Variants in ZCCHC2 observed in about 807,000 individuals in gnomAD.
The protein encoded by ZCCHC2 is zinc finger CCHC-type containing 2.
A neutral mutation model predicts 103.6 loss-of-function variants in ZCCHC2; 39 were observed. The observed-to-expected ratio is 0.38, with a 90% CI of 0.29 to 0.49. The LOEUF (loss-of-function observed/expected upper bound fraction) is 0.49. Ranked by LOEUF, ZCCHC2 falls within the 20% of genes least tolerant of loss-of-function variation. The pLI, the probability that ZCCHC2 is intolerant of heterozygous loss-of-function variation, is 0.96. For missense variants in ZCCHC2, 1,483 were observed against 1,491.0 expected, an observed-to-expected ratio of 0.99 and a Z score of 0.09; for synonymous variants, 687 against 608.9, an observed-to-expected ratio of 1.13 and a Z score of -1.89.
intron 4 of ZCCHC2, among the ~76,000 whole-genome samples, chr18:62,547,187 A>C (rs534165836): frequency 6.6e-6 from 1 of 152,090 alleles, no homozygotes; most frequent in East Asian, 1.9e-4. Context: ...TTAGCCAGGC[A>C]TGGTGGCGGG....
chr18:62,580,284 T>C (rs1917008358), downstream of ZCCHC2, among the ~76,000 whole-genome samples: 1 of 152,158 alleles, frequency 6.6e-6, no homozygotes, highest in Non-Finnish European at 1.5e-5. Flanking sequence ...GTGGTTTTAA[T>C]TTTTTTTCTG....
downstream of ZCCHC2, among the ~76,000 whole-genome samples, chr18:62,580,358 C>T (rs576202567): frequency 5.3e-4 from 81 of 152,342 alleles, no homozygotes; most frequent in African/African-American, 1.5e-3. Flanking sequence ...TCCTCTAGGG[C>T]GGCAAGCTGG....
intron 11 of ZCCHC2, among the ~76,000 whole-genome samples, chr18:62,566,447 T>A (rs1357956714): frequency 6.6e-6 from 1 of 152,222 alleles, no homozygotes; most frequent in Non-Finnish European, 1.5e-5. Context: ...AAGACAGAAG[T>A]CTGTCGGTGG....
In ZCCHC2 at chr18:62,558,724, A is replaced by G; in HGVS notation, c.1446A>G (p.Leu482=). The change falls in exon 7 of 14, where the codon TTA becomes TTG. Residue 482 remains leucine (L), a synonymous_variant. Transcript: ENST00000269499. Reference sequence around the variant, plus strand: ...CCTCTCTGAAGACTTCTAAGATATTAGAACACTTAAAAGAAGACAGCTCTG... The same window carrying G: ...CCTCTCTGAAGACTTCTAAGATATTGGAACACTTAAAAGAAGACAGCTCTG... ...LQSSLKTSKI[L]EHLKEDSSEA... The G allele has an allele frequency of 6.5e-7, 1 of 1,549,942 alleles. No homozygotes were observed. The highest frequency in any genetic ancestry group is 1.7e-4 in the Middle Eastern group (1 of 5,950).
chr18:62,569,353 A>G (rs1189866697), intron 11 of ZCCHC2, among the ~76,000 whole-genome samples: 4 of 152,156 alleles, frequency 2.6e-5, no homozygotes, highest in African/African-American at 9.7e-5. Flanking sequence ...TGATTCACTA[A>G]TCTATAGTTC....
At chr18:62,559,806 T>C (rs1018131318) in intron 7 of ZCCHC2, among the ~76,000 whole-genome samples, 4 of 152,262 alleles carry the variant, frequency 2.6e-5, no homozygotes, top group Non-Finnish European at 5.9e-5. Flanking sequence ...CAATTGGCTC[T>C]CCATCTCTGC....
In ZCCHC2 at chr18:62,523,600, C is replaced by T. The variant is rs915021992; in HGVS notation, c.176C>T (p.Pro59Leu). Reference sequence around the variant, plus strand: ...GCGGGCCCGTCGCGGGGCCCTCTGCCGCCGCCGCCGCCGCCCCGGGGACTC... The same window carrying T: ...GCGGGCCCGTCGCGGGGCCCTCTGCTGCCGCCGCCGCCGCCCCGGGGACTC... ...PPAGPSRGPLPPPPPPRGLGP... is the reference protein window; with the variant it reads ...PPAGPSRGPLLPPPPPRGLGP... Residue 59 changes from proline (P) to leucine (L), a missense_variant, in exon 1 of 14, where the codon CCG becomes CTG. Transcript: ENST00000269499. 3.1e-6 allele frequency: 3 copies of T among 975,514 alleles called. No homozygotes were observed. In the East Asian group the frequency reaches 1.9e-4, roughly 60 times the overall value. 60.4% of individuals were successfully genotyped at this position (975,514 alleles called of 1,614,324 possible). A position where few individuals can be genotyped will look rare whatever the true frequency, so the allele number is the denominator to read the frequency against.
At position 62,523,473 on chromosome 18, in the gene ZCCHC2, C is replaced by T. The variant is rs769612317; in HGVS notation, c.49C>T (p.Pro17Ser). 5.5e-6 allele frequency: 6 copies of T among 1,089,284 alleles called. No homozygotes were observed. Among genetic ancestry groups the T allele is most frequent in the Non-Finnish European group, 5.6e-6 (5 of 885,772 alleles). The allele number at this position is 1,089,284 out of a possible 1,614,324, so 67.5% of individuals were successfully genotyped here. A position where few individuals can be genotyped will look rare whatever the true frequency, so the allele number is the denominator to read the frequency against. Residue 17 changes from proline to serine, a missense_variant, in exon 1 of 14, where the codon CCG becomes TCG. By Grantham distance (74) the Pro-to-Ser change is moderately conservative. This residue lies in a region of ZCCHC2 where 568 missense variants were observed against 525.1 expected (regional missense o/e 1.08). Transcript: ENST00000269499. Reference sequence around the variant, plus strand: ...GAAGCCAACGCACCCCGCGGAGCCGCCGCCCGAGGCGGAGGAGCCCGAGGC... The same window carrying T: ...GAAGCCAACGCACCCCGCGGAGCCGTCGCCCGAGGCGGAGGAGCCCGAGGC... ...PLKPTHPAEP[P>S]PEAEEPEADA...
intron 2 of ZCCHC2, among the ~76,000 whole-genome samples, chr18:62,541,589 T>A (rs1023434019): frequency 1.3e-5 from 2 of 152,116 alleles, no homozygotes; most frequent in Non-Finnish European, 2.9e-5. Flanking sequence ...GTTACTTTCC[T>A]AACCTCTTCT....
intron 11 of ZCCHC2, among the ~76,000 whole-genome samples, chr18:62,569,661 C>T (rs894675776): frequency 6.6e-6 from 1 of 152,014 alleles, no homozygotes; most frequent in Non-Finnish European, 1.5e-5. Flanking sequence ...ACTCAGGGGA[C>T]TATTCAGTCT....
intron 1 of ZCCHC2, chr18:62,539,384 A>G (rs1915073452): frequency 3.8e-6 from 1 of 263,476 alleles, no homozygotes; most frequent in South Asian, 5.9e-5. Flanking sequence ...TGTAAAGGGC[A>G]CCATTTGTTA....
At chr18:62,532,567 A>G (rs1451222529) in intron 1 of ZCCHC2, among the ~76,000 whole-genome samples, 2 of 151,986 alleles carry the variant, frequency 1.3e-5, no homozygotes, top group East Asian at 1.9e-4. Context: ...CTCTTTTTTC[A>G]TATATCCCCC....
At chr18:62,576,029 TA>T (rs4048462) in intron 13 of ZCCHC2, among the ~76,000 whole-genome samples, 11,565 of 147,970 alleles carry the variant, frequency 0.078, 518 homozygotes, top group Middle Eastern at 0.13. Context: ...CAGCAAATGT[TA>T]AAAAAAAAAA....
chr18:62,568,911 T>G (rs528887085), intron 11 of ZCCHC2, among the ~76,000 whole-genome samples: 10 of 152,358 alleles, frequency 6.6e-5, no homozygotes, highest in Admixed American at 3.3e-4. Flanking sequence ...ATTGGTGGTG[T>G]TGACTTGCAT....
intron 1 of ZCCHC2, among the ~76,000 whole-genome samples, chr18:62,528,055 A>G (rs1914512926): frequency 6.6e-6 from 1 of 152,234 alleles, no homozygotes; most frequent in Non-Finnish European, 1.5e-5. Context: ...AGTAGTGGTT[A>G]TTGATTAATA....
chr18:62,523,834 T>C lies in ZCCHC2; in HGVS notation c.410T>C (p.Leu137Pro). Residue 137 changes from leucine to proline, a missense_variant, in exon 1 of 14, where the codon CTG (leucine) becomes CCG (proline). Coordinates refer to ENST00000269499, the MANE Select transcript of ZCCHC2 (RefSeq NM_017742.6). ...LRFLGSCLEDLARKDYHYLRD... is the reference protein window; with the variant it reads ...LRFLGSCLEDPARKDYHYLRD... ...TTCCTTGGCTCGTGCCTGGAGGACC[T>C]GGCGCGCAAGGACTACCACTACCTG... 1 of 1,544,740 alleles carries C rather than the reference T, an allele frequency of 6.5e-7. No individual in the cohort carries two copies. Among genetic ancestry groups the C allele is most frequent in the South Asian group, 1.2e-5 (1 of 83,938 alleles).
intron 1 of ZCCHC2, among the ~76,000 whole-genome samples, chr18:62,532,704 TG>T (rs760096219): frequency 4.4e-4 from 67 of 152,366 alleles, no homozygotes; most frequent in Non-Finnish European, 8.5e-4. Context: ...GTTGTAATTT[TG>T]GTACTTCTGT....
Position 62,542,701 on chromosome 18 carries a change from T to C in ZCCHC2, c.1128+127T>C. On this transcript the variant is annotated intron_variant, in intron 3 of 13. Coordinates refer to ENST00000269499, the MANE Select transcript of ZCCHC2 (RefSeq NM_017742.6). ...TTTGTTTTTAATTAAGAGAATGTAC[T>C]GTTTTTTATCATATACTACTGCATG... 5.0e-6 allele frequency: 4 copies of C among 805,964 alleles called. No individual in the cohort carries two copies. In the South Asian group the frequency reaches 7.9e-5, roughly 16 times the overall value. 49.9% of individuals were successfully genotyped at this position (805,964 alleles called of 1,614,324 possible).
intron 1 of ZCCHC2, among the ~76,000 whole-genome samples, chr18:62,539,084 C>T (rs1354544104): frequency 6.6e-6 from 1 of 152,102 alleles, no homozygotes; most frequent in Non-Finnish European, 1.5e-5. Flanking sequence ...TTTATTACTC[C>T]AAGCATCGGA....
Sources: allele counts gnomAD v4.1 joint callset (sites outside exome capture counted in the v4.1 genomes callset), GRCh38; gene constraint gnomAD v4.1.1; regional missense constraint gnomAD v4.1.1; transcripts MANE v1.5; gene names NCBI Gene and HGNC (gene_info 2026-07-23, HGNC 2026-07-21).